Variants in EEPD1 observed in about 807,000 individuals in gnomAD.
The protein encoded by EEPD1 is endonuclease/exonuclease/phosphatase family domain-containing protein 1.
A neutral mutation model predicts 46.3 loss-of-function variants in EEPD1; 17 were observed. The observed-to-expected ratio is 0.37, with a 90% CI of 0.25 to 0.55. The LOEUF is 0.55. Among genes scored for constraint, EEPD1 ranks in the 20% least tolerant of loss-of-function variants. EEPD1 has a pLI of 0.83. For missense variants in EEPD1, 673 were observed against 745.6 expected (o/e 0.90, Z 1.13); for synonymous variants, 313 against 315.6 (o/e 0.99, Z 0.09).
chr7:36,251,489 T>C (rs1211412802), intron 3 of EEPD1, among the ~76,000 whole-genome samples: 1 of 152,230 alleles, frequency 6.6e-6, no homozygotes, highest in African/African-American at 2.4e-5. Context: ...TTTGTATTTT[T>C]AGTAGAGACG....
chr7:36,243,599 C>A (rs781504777), intron 3 of EEPD1, among the ~76,000 whole-genome samples: 2 of 152,104 alleles, frequency 1.3e-5, no homozygotes, highest in African/African-American at 4.8e-5. Context: ...GCCAGACAGT[C>A]CCAACAGTGG....
intron 3 of EEPD1, among the ~76,000 whole-genome samples, chr7:36,248,519 T>C (rs2115804205): frequency 6.6e-6 from 1 of 151,360 alleles, no homozygotes; most frequent in Middle Eastern, 3.4e-3. Flanking sequence ...ATACTCTTTT[T>C]TTTTTTTTTT....
In EEPD1 at chr7:36,281,212, G is replaced by A. The variant is rs196586; in HGVS notation, c.1028G>A (p.Ser343Asn). Reference protein sequence around the residue: ...WKAVVAEKPSSQLQKGAGYAG... With the variant: ...WKAVVAEKPSNQLQKGAGYAG... ...GCTGTTGTTGCTGAGAAGCCCTCGA[G>A]TCAGCTCCAGAAGGTACCCTCGTCT... The change falls in exon 4 of 8, where the codon AGT becomes AAT. Residue 343 changes from serine to asparagine, a missense_variant. Physicochemically the swap from Ser to Asn is conservative, Grantham distance 46. Coordinates refer to ENST00000242108, the MANE Select transcript of EEPD1 (RefSeq NM_030636.3). 1,567,033 of 1,614,112 alleles carry A rather than the reference G, an allele frequency of 0.97. 761,323 individuals carry two copies. Among genetic ancestry groups the A allele is most frequent in the Non-Finnish European group, 0.98 (1,156,425 of 1,179,994 alleles).
intron 2 of EEPD1, among the ~76,000 whole-genome samples, chr7:36,223,757 G>A (rs1583818683): frequency 6.6e-6 from 1 of 152,300 alleles, no homozygotes; most frequent in East Asian, 1.9e-4. Flanking sequence ...GTCAGGGGGA[G>A]AAGGATGAAA....
At chr7:36,247,182 C>T (rs1786654109) in intron 3 of EEPD1, among the ~76,000 whole-genome samples, 1 of 151,714 alleles carries the variant, frequency 6.6e-6, no homozygotes, top group Non-Finnish European at 1.5e-5. Context: ...CAGGGAGTTT[C>T]CAGGCAAACC....
In EEPD1 at chr7:36,299,306, T is replaced by C; in HGVS notation, c.*100T>C. ...TCAGGGCAGAGCTGCCTTTTAATTT[T>C]TATTCTCAGAGCATCAGCACTTGAG... On this transcript the variant is annotated 3_prime_UTR_variant, in exon 8 of 8. Transcript: ENST00000242108. 7.3e-7 allele frequency: 1 copy of C among 1,364,730 alleles called. No individual in the cohort carries two copies. The highest frequency in any genetic ancestry group is 2.2e-5 in the Admixed American group (1 of 44,622). The allele number at this position is 1,364,730 out of a possible 1,614,324, so 84.5% of individuals were successfully genotyped here.
At chr7:36,187,618 A>T (rs1052181029) in intron 2 of EEPD1, among the ~76,000 whole-genome samples, 2 of 152,128 alleles carry the variant, frequency 1.3e-5, no homozygotes, top group African/African-American at 4.8e-5. Context: ...CATTGTATGT[A>T]TACCCCATTT....
In EEPD1 at chr7:36,237,654, G is replaced by A. The variant is rs186419229; in HGVS notation, c.879-1331G>A. Among the ~76,000 whole-genome samples, 222 of 152,194 alleles carry A rather than the reference G, an allele frequency of 1.5e-3. 2 individuals are homozygous for A. Among genetic ancestry groups the A allele is most frequent in the Non-Finnish European group, 2.5e-4 (17 of 68,006 alleles). ...TTTATTGGTAAAGTAAAGGAATAAA[G>A]AATGGCTGCCTGAGGTCAAGCACAG... On this transcript the variant is annotated intron_variant, in intron 2 of 7. Transcript: ENST00000242108.
intron 3 of EEPD1, among the ~76,000 whole-genome samples, chr7:36,259,662 A>G (rs1786887885): frequency 6.6e-6 from 1 of 150,842 alleles, no homozygotes; most frequent in South Asian, 2.1e-4. Flanking sequence ...GGCACACACC[A>G]CCATGCCCGG....
At chr7:36,252,635 G>A (rs1583467301) in intron 3 of EEPD1, among the ~76,000 whole-genome samples, 1 of 150,724 alleles carries the variant, frequency 6.6e-6, no homozygotes, top group East Asian at 1.9e-4. Context: ...ATGCACACGT[G>A]TATTCGAAGG....
intron 3 of EEPD1, among the ~76,000 whole-genome samples, chr7:36,266,111 C>T (rs569756895): frequency 5.3e-5 from 8 of 152,272 alleles, no homozygotes; most frequent in South Asian, 4.1e-4. Context: ...GGGTTTGCCA[C>T]GCTCCCCTTT....
chr7:36,251,362 G>A (rs1786736726), intron 3 of EEPD1, among the ~76,000 whole-genome samples: 1 of 152,070 alleles, frequency 6.6e-6, no homozygotes, highest in Non-Finnish European at 1.5e-5. Context: ...CAAGTCTGGA[G>A]TGCAATGGCA....
chr7:36,297,085 A>C lies in EEPD1; in HGVS notation c.1408A>C (p.Ile470Leu). The C allele has an allele frequency of 6.2e-7, 1 of 1,614,212 alleles. No homozygotes were observed. Among genetic ancestry groups the C allele is most frequent in the African/African-American group, 1.3e-5 (1 of 75,052 alleles). ...GAGGAAAGAAAAGTTCCACCACCTGATCCCCGCGCACACCTTCACCAACAT... is the reference window on the plus strand; with the variant it reads ...GAGGAAAGAAAAGTTCCACCACCTGCTCCCCGCGCACACCTTCACCAACAT... ...ILRKEKFHHL[I>L]PAHTFTNIST... is the part of the protein sequence containing the mutation. Residue 470 changes from isoleucine to leucine, a missense_variant, in exon 7 of 8, where the codon ATC becomes CTC. Coordinates refer to ENST00000242108, the MANE Select transcript of EEPD1 (RefSeq NM_030636.3).
chr7:36,158,144 A>G (rs918725370), intron 2 of EEPD1, among the ~76,000 whole-genome samples: 2 of 152,210 alleles, frequency 1.3e-5, no homozygotes, highest in African/African-American at 4.8e-5. Flanking sequence ...TGGGTAAGGA[A>G]ACTAAAATCA....
At chr7:36,168,760 A>AAC (rs1269804003) in intron 2 of EEPD1, among the ~76,000 whole-genome samples, 169 of 151,176 alleles carry the variant, frequency 1.1e-3, no homozygotes, top group Non-Finnish European at 2.0e-3. Flanking sequence ...TCTGTCTCAA[A>AAC]AAAAAAAAAA....
chr7:36,290,801 C>T (rs912749815), intron 6 of EEPD1, among the ~76,000 whole-genome samples: 4 of 152,192 alleles, frequency 2.6e-5, no homozygotes, highest in Admixed American at 2.0e-4. Context: ...AATCTAGAGA[C>T]TCTCTGAGGA....
At chr7:36,241,245 G>A (rs1036088636) in intron 3 of EEPD1, among the ~76,000 whole-genome samples, 1 of 152,186 alleles carries the variant, frequency 6.6e-6, no homozygotes, top group African/African-American at 2.4e-5. Context: ...GGAGGCCAAG[G>A]CAGGCAGATC....
At chr7:36,216,415 C>T (rs1417145767) in intron 2 of EEPD1, among the ~76,000 whole-genome samples, 3 of 152,236 alleles carry the variant, frequency 2.0e-5, no homozygotes, top group African/African-American at 7.2e-5. Context: ...TGCGTAATAA[C>T]ACCTTTTCCA....
At chr7:36,174,423 G>C (rs1462830856) in intron 2 of EEPD1, among the ~76,000 whole-genome samples, 4 of 152,192 alleles carry the variant, frequency 2.6e-5, no homozygotes, top group African/African-American at 9.7e-5. Flanking sequence ...AAGAGGTGCT[G>C]CTCTGCATTA....
Sources: gnomAD v4.1 joint callset for allele counts (sites outside exome capture counted in the v4.1 genomes callset) on GRCh38, gnomAD v4.1.1 for gene constraint, MANE v1.5 for transcripts, NCBI Gene and HGNC (gene_info 2026-07-23, HGNC 2026-07-21) for gene names.